Variants in TMEM181 observed in about 807,000 individuals in gnomAD.
TMEM181 encodes the protein transmembrane protein 181, also known as G protein-coupled receptor 178.
Under a neutral mutation model 71.9 loss-of-function variants are expected in TMEM181, and 39 were observed. The observed-to-expected ratio is 0.54, with a 90% confidence interval of 0.42 to 0.71. The LOEUF is 0.71. TMEM181 is among the 30% of genes least tolerant of loss of function. The probability of loss-of-function intolerance (pLI) is 0.00; values close to 1 mark genes in which losing one functional copy is unlikely to be tolerated. For synonymous variants in TMEM181, 245 were observed against 228.8 expected (o/e 1.07, Z -0.64); for missense variants, 595 against 583.0 (o/e 1.02, Z -0.21).
chr6:158,633,864 G>T lies in TMEM181; in HGVS notation c.*1976G>T, dbSNP rs1284329843. On this transcript the variant is annotated 3_prime_UTR_variant, in exon 17 of 17. Coordinates refer to ENST00000684151, the MANE Select transcript of TMEM181 (RefSeq NM_001376852.1). Reference sequence around the variant, plus strand: ...TACCAAATTTTACAACTTCTAATAAGACTACTATAACTTTATGTAAACTGA... The same window carrying T: ...TACCAAATTTTACAACTTCTAATAATACTACTATAACTTTATGTAAACTGA... The T allele has an allele frequency of 6.6e-6, 1 of 151,968 alleles. No homozygotes were observed. Among genetic ancestry groups the T allele is most frequent in the Non-Finnish European group, 1.5e-5 (1 of 67,998 alleles). 9.4% of individuals were successfully genotyped at this position (151,968 alleles called of 1,614,324 possible). A position where few individuals can be genotyped will look rare whatever the true frequency, so the allele number is the denominator to read the frequency against.
At chr6:158,614,691 G>A (rs965178162) in intron 10 of TMEM181, among the ~76,000 whole-genome samples, 1 of 152,098 alleles carries the variant, frequency 6.6e-6, no homozygotes, top group African/African-American at 2.4e-5. Flanking sequence ...CTGTGTCCAA[G>A]TGTTCTCATT....
At chr6:158,605,128 AAAAGTGTGT>A in intron 6 of TMEM181, 130 bp from the exon 7 acceptor site, 3 of 388,456 alleles carry the variant, frequency 7.7e-6, no homozygotes, top group Admixed American at 5.1e-5. Context: ...AAAAAAAAAA[AAAAGTGTGT>A]GTGTGTGTGT....
chr6:158,607,670 T>C (rs1174033887), intron 8 of TMEM181, among the ~76,000 whole-genome samples: 1 of 152,116 alleles, frequency 6.6e-6, no homozygotes, highest in Non-Finnish European at 1.5e-5. Flanking sequence ...ACCCTGTCTC[T>C]TAAAACAAAA....
chr6:158,631,510 T>C lies in TMEM181; in HGVS notation c.1349+121T>C, dbSNP rs552292030. 1.2e-4 allele frequency: 137 copies of C among 1,101,028 alleles called. 3 individuals carry two copies. The South Asian group carries it at 1.3e-3, about 11-fold the overall frequency. The allele number at this position is 1,101,028 out of a possible 1,614,324, so 68.2% of individuals were successfully genotyped here. On this transcript the variant is annotated intron_variant, in intron 16 of 16. Transcript: ENST00000684151. The stretch of plus-strand genomic sequence containing the variant: ...AGGTATGAAGGCATTTACCTTGGAG[T>C]GTCAAGTGGCTCGTGGTTTTCTGTT...
chr6:158,576,672 C>G (rs1407943558), intron 2 of TMEM181, among the ~76,000 whole-genome samples: 1 of 152,052 alleles, frequency 6.6e-6, no homozygotes, highest in Non-Finnish European at 1.5e-5. Flanking sequence ...ACAACAAAAA[C>G]AAAAATTCAA....
intron 1 of TMEM181, among the ~76,000 whole-genome samples, chr6:158,568,683 A>G (rs1358669045): frequency 6.6e-6 from 1 of 152,168 alleles, no homozygotes; most frequent in Non-Finnish European, 1.5e-5. Context: ...GCATGGTGTT[A>G]GAGACCTGTG....
intron 5 of TMEM181, among the ~76,000 whole-genome samples, chr6:158,589,126 T>C (rs1424431145): frequency 3.3e-5 from 5 of 152,206 alleles, no homozygotes; most frequent in African/African-American, 9.6e-5. Flanking sequence ...ACATCTGCAC[T>C]TGGTGCTGTG....
At chr6:158,556,021 T>C (rs984553917), upstream of TMEM181, among the ~76,000 whole-genome samples, 34 of 152,092 alleles carry the variant, frequency 2.2e-4, no homozygotes, top group African/African-American at 8.2e-4. Flanking sequence ...CAAAAGTAAA[T>C]TAACCAGAAA....
At position 158,594,441 on chromosome 6, in the gene TMEM181, T is replaced by C. The variant is rs138119238; in HGVS notation, c.492+4659T>C. On this transcript the variant is annotated intron_variant, in intron 6 of 16. Transcript: ENST00000684151. ...AGAATGTCATCTAGTTGGAATCATA[T>C]AGTATGTAATTTTTTCAGATTGACT... 2.2e-3 allele frequency among the ~76,000 whole-genome samples: 336 copies of C among 152,224 alleles called. 2 individuals carry two copies. Among genetic ancestry groups the C allele is most frequent in the African/African-American group, 7.5e-3 (310 of 41,546 alleles).
intron 1 of TMEM181, among the ~76,000 whole-genome samples, chr6:158,552,909 G>A (rs919574617): frequency 6.6e-6 from 1 of 152,216 alleles, no homozygotes; most frequent in African/African-American, 2.4e-5. Context: ...GAAACTGTCA[G>A]CCAGGCACAG....
At chr6:158,592,536 G>A (rs1446599706) in intron 6 of TMEM181, among the ~76,000 whole-genome samples, 6 of 151,602 alleles carry the variant, frequency 4.0e-5, no homozygotes, top group Non-Finnish European at 7.4e-5. Context: ...GCAGTGGCGC[G>A]ATCACGGCTT....
chr6:158,572,515 CCCTTTTG>C (rs1236169424), intron 1 of TMEM181: 6 of 456,164 alleles, frequency 1.3e-5, no homozygotes, highest in South Asian at 7.8e-5. Context: ...CCGGCCACAC[CCCTTTTG>C]TCGATGGTTT....
intron 1 of TMEM181, among the ~76,000 whole-genome samples, chr6:158,545,429 G>C (rs1781495755): frequency 6.6e-6 from 1 of 152,264 alleles, no homozygotes; most frequent in African/African-American, 2.4e-5. Flanking sequence ...TGCTACATAG[G>C]AAGCAGCTTG....
chr6:158,542,645 C>T (rs1781395070), intron 1 of TMEM181, among the ~76,000 whole-genome samples: 2 of 152,158 alleles, frequency 1.3e-5, no homozygotes, highest in African/African-American at 4.8e-5. Flanking sequence ...TGCTCTGTTG[C>T]CCAGGCTAGA....
chr6:158,622,150 C>T (rs947538407), intron 10 of TMEM181, among the ~76,000 whole-genome samples: 3 of 152,214 alleles, frequency 2.0e-5, no homozygotes, highest in Non-Finnish European at 2.9e-5. Flanking sequence ...AGCGCCTGCC[C>T]TCTGGTATGT....
intron 6 of TMEM181, among the ~76,000 whole-genome samples, chr6:158,595,656 T>G (rs547429615): frequency 6.6e-6 from 1 of 152,340 alleles, no homozygotes; most frequent in South Asian, 2.1e-4. Flanking sequence ...AAGCATAATG[T>G]TGAATGAAAT....
At chr6:158,621,898 A>T (rs756291459) in intron 10 of TMEM181, among the ~76,000 whole-genome samples, 2 of 152,232 alleles carry the variant, frequency 1.3e-5, no homozygotes, top group Non-Finnish European at 2.9e-5. Context: ...TCCGAAGACC[A>T]CAAAGGGCTT....
At chr6:158,629,642 T>A in intron 14 of TMEM181, 88 bp from the exon 15 acceptor site, 1 of 1,158,788 alleles carries the variant, frequency 8.6e-7, no homozygotes, top group Non-Finnish European at 1.2e-6. Flanking sequence ...TAGAAGGGGC[T>A]GCTGATGGCG....
chr6:158,605,283 C>T lies in TMEM181; in HGVS notation c.509C>T (p.Pro170Leu), dbSNP rs762675384. Residue 170 changes from proline (P) to leucine (L), a missense_variant, in exon 7 of 17, where the codon CCT becomes CTT. By Grantham distance (98) the Pro-to-Leu change is moderately conservative. Coordinates refer to ENST00000684151, the MANE Select transcript of TMEM181 (RefSeq NM_001376852.1). ...CTATTTTAGTGGAAGACTTATAACC[C>T]TGCCTTCTCCCGGTTGGAAATCTGG... ...GMNFTWKTYNPAFSRLEIWFR... is the reference protein window; with the variant it reads ...GMNFTWKTYNLAFSRLEIWFR... The T allele has an allele frequency of 1.2e-5, 20 of 1,613,868 alleles. No individual in the cohort carries two copies. Among genetic ancestry groups the T allele is most frequent in the Admixed American group, 1.7e-5 (1 of 60,002 alleles).
Sources: gnomAD v4.1 joint callset for allele counts (sites outside exome capture counted in the v4.1 genomes callset) on GRCh38, gnomAD v4.1.1 for gene constraint, MANE v1.5 for transcripts, NCBI Gene and HGNC (gene_info 2026-07-23, HGNC 2026-07-21) for gene names.